CPED1: variants seen among roughly 807,000 people sequenced by gnomAD.
CPED1 encodes cadherin like and PC-esterase domain containing 1.
CPED1 carries 114 observed loss-of-function variants against 128.2 expected under a neutral mutation model. The ratio of observed to expected loss-of-function variants is 0.89; its 90% CI spans 0.76 to 1.04. CPED1 has a LOEUF of 1.04. Ranked by LOEUF, CPED1 falls within the 50% of genes least tolerant of loss-of-function variation. CPED1 has a pLI of 0.00. For synonymous variants in CPED1, 462 were observed against 426.7 expected (o/e 1.08, Z -1.02); for missense variants, 1,211 against 1,207.1 (o/e 1.00, Z -0.05).
Position 121,128,412 on chromosome 7 carries a change from T to C in CPED1, c.1333T>C (p.Cys445Arg). Residue 445 changes from cysteine to arginine, a missense_variant, in exon 11 of 23, where the codon TGT becomes CGT. Coordinates refer to ENST00000310396, the MANE Select transcript of CPED1 (RefSeq NM_024913.5). ...AAACTATCAAAAGGAACTAAATCAG[T>C]GTCTGTCCTTAGAAGAAATTAACTC... ...GENYQKELNQ[C>R]LSLEEINSIM... The C allele has an allele frequency of 1.3e-6, 2 of 1,599,550 alleles. No individual in the cohort carries two copies. The highest frequency in any genetic ancestry group is 8.6e-7 in the Non-Finnish European group (1 of 1,166,956).
chr7:121,224,118 A>C (rs1456025247), intron 16 of CPED1, among the ~76,000 whole-genome samples: 1 of 152,092 alleles, frequency 6.6e-6, no homozygotes, highest in Non-Finnish European at 1.5e-5. Flanking sequence ...TTCCCTCTAC[A>C]CACTGCTTTA....
chr7:121,195,943 G>A (rs1797261197), intron 16 of CPED1, among the ~76,000 whole-genome samples: 1 of 151,954 alleles, frequency 6.6e-6, no homozygotes, highest in South Asian at 2.1e-4. Flanking sequence ...CTGTTAGTTG[G>A]TGCCTTGACT....
At chr7:121,141,422 T>A (rs1795898525) in intron 15 of CPED1, among the ~76,000 whole-genome samples, 1 of 152,064 alleles carries the variant, frequency 6.6e-6, no homozygotes, top group African/African-American at 2.4e-5. Context: ...CTTTTAAAAG[T>A]CAGCAACTCT....
chr7:121,254,080 C>T (rs899131646), intron 18 of CPED1, among the ~76,000 whole-genome samples: 5 of 152,002 alleles, frequency 3.3e-5, no homozygotes, highest in African/African-American at 4.8e-5. Context: ...ACCTACAGAA[C>T]GCTCCACCCA....
intron 4 of CPED1, chr7:121,050,369 G>A (rs1161847729): frequency 1.3e-5 from 2 of 151,356 alleles, no homozygotes; most frequent in African/African-American, 4.9e-5. Context: ...TTTTTTCTTT[G>A]TCGTCCGCAA....
intron 16 of CPED1, among the ~76,000 whole-genome samples, chr7:121,189,581 G>A (rs977746356): frequency 4.6e-5 from 7 of 151,642 alleles, no homozygotes; most frequent in Non-Finnish European, 8.8e-5. Flanking sequence ...AGATTTGGGT[G>A]GGGGGACAGA....
chr7:121,213,272 G>C (rs901854779), intron 16 of CPED1, among the ~76,000 whole-genome samples: 4 of 152,102 alleles, frequency 2.6e-5, no homozygotes, highest in African/African-American at 9.6e-5. Context: ...TTATTAAGCT[G>C]TGTGCCTCCA....
intron 7 of CPED1, among the ~76,000 whole-genome samples, chr7:121,107,839 CAA>C (rs1795015547): frequency 6.6e-6 from 1 of 152,054 alleles, no homozygotes; most frequent in Non-Finnish European, 1.5e-5. Flanking sequence ...CAAAGGCTGA[CAA>C]ATTCTAAATA....
At chr7:121,231,895 A>C (rs1326074658) in intron 16 of CPED1, among the ~76,000 whole-genome samples, 1 of 152,156 alleles carries the variant, frequency 6.6e-6, no homozygotes, top group Non-Finnish European at 1.5e-5. Flanking sequence ...TTGTACAAAA[A>C]TATTGTTGAA....
intron 7 of CPED1, among the ~76,000 whole-genome samples, chr7:121,116,498 G>A (rs908398014): frequency 6.6e-6 from 1 of 152,112 alleles, no homozygotes; most frequent in Non-Finnish European, 1.5e-5. Context: ...TTTTCCAAAA[G>A]GTAATTAGGC....
chr7:121,063,270 A>G (rs1793728049), intron 4 of CPED1, among the ~76,000 whole-genome samples: 1 of 151,842 alleles, frequency 6.6e-6, no homozygotes, highest in Non-Finnish European at 1.5e-5. Flanking sequence ...AAGCACTTTA[A>G]ATGAATCAGT....
At chr7:121,098,773 T>TATATAAAA (rs1563024849) in intron 6 of CPED1, among the ~76,000 whole-genome samples, 8 of 119,090 alleles carry the variant, frequency 6.7e-5, no homozygotes, top group African/African-American at 1.2e-4. Flanking sequence ...TATAAATATA[T>TATATAAAA]ATATATAAAA....
At chr7:121,055,536 C>T (rs1409241590) in intron 4 of CPED1, among the ~76,000 whole-genome samples, 2 of 151,018 alleles carry the variant, frequency 1.3e-5, no homozygotes, top group African/African-American at 4.9e-5. Flanking sequence ...AACACTAACA[C>T]AAATTACAGG....
At chr7:121,194,117 G>A (rs1387633186) in intron 16 of CPED1, among the ~76,000 whole-genome samples, 6 of 136,284 alleles carry the variant, frequency 4.4e-5, no homozygotes, top group Middle Eastern at 0.011. Flanking sequence ...GGTCTATCTC[G>A]GCTTACTGCA....
intron 22 of CPED1, among the ~76,000 whole-genome samples, chr7:121,291,693 T>C (rs987989343): frequency 1.3e-5 from 2 of 151,882 alleles, no homozygotes; most frequent in Admixed American, 1.3e-4. Flanking sequence ...GCTCGAGGAG[T>C]TTTTGGGCTG....
intron 17 of CPED1, among the ~76,000 whole-genome samples, chr7:121,238,280 G>T (rs28563150): frequency 6.6e-6 from 1 of 152,162 alleles, no homozygotes; most frequent in African/African-American, 2.4e-5. Flanking sequence ...TCAAGTGCAC[G>T]CTCCTTAGCC....
chr7:121,057,873 G>T (rs1402959572), intron 4 of CPED1, among the ~76,000 whole-genome samples: 1 of 152,170 alleles, frequency 6.6e-6, no homozygotes, highest in African/African-American at 2.4e-5. Context: ...TAATATGATA[G>T]ATGGTAAAGA....
chr7:121,067,092 C>A (rs1793847730), intron 5 of CPED1, among the ~76,000 whole-genome samples: 1 of 145,622 alleles, frequency 6.9e-6, no homozygotes, highest in Admixed American at 7.1e-5. Context: ...TAAAACTAAT[C>A]AACTATACTT....
At chr7:121,108,625 A>G (rs1795036984) in intron 7 of CPED1, among the ~76,000 whole-genome samples, 1 of 148,290 alleles carries the variant, frequency 6.7e-6, no homozygotes, top group African/African-American at 2.6e-5. Flanking sequence ...ATTCAATGAT[A>G]TTTTCTAGAG....
Sources: gnomAD v4.1 joint callset for allele counts (sites outside exome capture counted in the v4.1 genomes callset) on GRCh38, gnomAD v4.1.1 for gene constraint, MANE v1.5 for transcripts, NCBI Gene and HGNC (gene_info 2026-07-23, HGNC 2026-07-21) for gene names.